Variants in AFDN observed in about 807,000 individuals in gnomAD.
AFDN encodes the protein afadin.
A neutral mutation model predicts 216.6 loss-of-function variants in AFDN; 68 were observed. The observed-to-expected ratio is 0.31, with a 90% confidence interval of 0.26 to 0.38. The LOEUF is 0.38. Among genes scored for constraint, AFDN ranks in the 10% least tolerant of loss-of-function variants. AFDN has a pLI of 1.00. For missense variants in AFDN, 2,136 were observed against 2,342.0 expected, an observed-to-expected ratio of 0.91 and a Z score of 1.82; for synonymous variants, 868 against 853.7, an observed-to-expected ratio of 1.02 and a Z score of -0.29.
At chr6:167,833,710 CCCT>C (rs527802213) in intron 1 of AFDN, among the ~76,000 whole-genome samples, 69 of 152,188 alleles carry the variant, frequency 4.5e-4, no homozygotes, top group Non-Finnish European at 2.8e-4. Flanking sequence ...TTGCCAGTTT[CCCT>C]CCTCCTCTTT....
chr6:167,893,113 C>A (rs1372591294), intron 8 of AFDN, among the ~76,000 whole-genome samples: 1 of 152,142 alleles, frequency 6.6e-6, no homozygotes, highest in African/African-American at 2.4e-5. Context: ...TTAACTTGTT[C>A]CACAAATGTC....
chr6:167,969,008 A>G, intron 32 of AFDN, 106 bp from the exon 33 acceptor site: 2 of 854,688 alleles, frequency 2.3e-6, no homozygotes, highest in Non-Finnish European at 3.9e-6. Context: ...CTTCCTACTT[A>G]CTCAGTAAAG....
At chr6:167,952,362 G>T (rs931067048) in intron 30 of AFDN, 175 bp downstream of exon 30, 1 of 1,482,502 alleles carries the variant, frequency 6.7e-7, no homozygotes, top group Admixed American at 2.4e-5. Context: ...AATGAGTCAG[G>T]CCTATAAGGC....
intron 1 of AFDN, among the ~76,000 whole-genome samples, chr6:167,860,239 A>G (rs1172324026): frequency 7.2e-6 from 1 of 139,804 alleles, no homozygotes; most frequent in Non-Finnish European, 1.5e-5. Context: ...AACATATTAG[A>G]CTATTAATTC....
chr6:167,942,652 G>A (rs1794832993), intron 23 of AFDN, among the ~76,000 whole-genome samples: 1 of 152,152 alleles, frequency 6.6e-6, no homozygotes, highest in South Asian at 2.1e-4. Context: ...CAGTACATGA[G>A]TTATAATACT....
chr6:167,892,704 C>G (rs922189756), intron 8 of AFDN, among the ~76,000 whole-genome samples: 1 of 152,086 alleles, frequency 6.6e-6, no homozygotes, highest in African/African-American at 2.4e-5. Context: ...AGGTAGAGCA[C>G]CAAAACAGAT....
chr6:167,876,941 T>C (rs1439415285), intron 5 of AFDN, among the ~76,000 whole-genome samples: 1 of 152,170 alleles, frequency 6.6e-6, no homozygotes, highest in African/African-American at 2.4e-5. Context: ...AAGGCTTTCA[T>C]TGTAGCCTAA....
intron 31 of AFDN, chr6:167,964,578 C>A: frequency 9.4e-7 from 1 of 1,060,440 alleles, no homozygotes; most frequent in Middle Eastern, 4.2e-4. Flanking sequence ...GAGTTTTCTC[C>A]CTCAAAAGGT....
At chr6:167,966,764 G>T (rs1245521013) in intron 32 of AFDN, among the ~76,000 whole-genome samples, 1 of 152,224 alleles carries the variant, frequency 6.6e-6, no homozygotes, top group Non-Finnish European at 1.5e-5. Flanking sequence ...TCTCATGGTG[G>T]TTTGGTTGGT....
intron 5 of AFDN, among the ~76,000 whole-genome samples, chr6:167,878,260 C>A (rs1243499075): frequency 6.6e-6 from 1 of 152,110 alleles, no homozygotes; most frequent in Non-Finnish European, 1.5e-5. Flanking sequence ...TCTTCATCTT[C>A]AAAACGGGGC....
intron 13 of AFDN, 150 bp from the exon 14 acceptor site, chr6:167,910,951 T>C: frequency 1.5e-6 from 1 of 676,268 alleles, no homozygotes; most frequent in Non-Finnish European, 2.5e-6. Flanking sequence ...TTGATTAGGC[T>C]ACATCTGAAA....
At chr6:167,930,023 G>T (rs1793080865) in intron 23 of AFDN, among the ~76,000 whole-genome samples, 1 of 152,080 alleles carries the variant, frequency 6.6e-6, no homozygotes, top group Non-Finnish European at 1.5e-5. Flanking sequence ...AGGCAACAAG[G>T]TGAGACCCCA....
At chr6:167,891,733 C>T (rs1358716744) in intron 8 of AFDN, among the ~76,000 whole-genome samples, 2 of 152,094 alleles carry the variant, frequency 1.3e-5, no homozygotes, top group Admixed American at 6.6e-5. Context: ...GTATGCTGTG[C>T]ATGGCTGTAC....
intron 1 of AFDN, among the ~76,000 whole-genome samples, chr6:167,853,268 C>CAACT (rs1439868696): frequency 1.3e-5 from 2 of 152,034 alleles, no homozygotes; most frequent in African/African-American, 4.8e-5. Context: ...TGTATAAACA[C>CAACT]AACTACCTGT....
chr6:167,937,086 C>T (rs1794099847), intron 23 of AFDN, among the ~76,000 whole-genome samples: 1 of 152,038 alleles, frequency 6.6e-6, no homozygotes, highest in Non-Finnish European at 1.5e-5. Flanking sequence ...GTGAACAGGG[C>T]CAGTGGGTCT....
chr6:167,913,288 C>T (rs992512296), intron 15 of AFDN, 115 bp from the exon 16 acceptor site: 9 of 976,416 alleles, frequency 9.2e-6, no homozygotes, highest in South Asian at 5.8e-5. Context: ...AACTAAATGT[C>T]GTACCTTCAT....
intron 23 of AFDN, among the ~76,000 whole-genome samples, chr6:167,929,646 C>T (rs969965295): frequency 2.6e-5 from 4 of 152,212 alleles, no homozygotes; most frequent in Non-Finnish European, 4.4e-5. Context: ...ATCCTTGTCT[C>T]ACTCTCCCAT....
At chr6:167,907,123 G>A (rs1249973074) in intron 12 of AFDN, 48 bp from the exon 13 acceptor site, 1 of 1,419,716 alleles carries the variant, frequency 7.0e-7, no homozygotes, top group African/African-American at 1.4e-5. Flanking sequence ...GTCAAGCTTG[G>A]TTGGTCTGTG....
At chr6:167,862,532 C>T (rs532397128) in intron 1 of AFDN, among the ~76,000 whole-genome samples, 17 of 152,266 alleles carry the variant, frequency 1.1e-4, no homozygotes, top group African/African-American at 2.4e-4. Context: ...CCTGCCACCA[C>T]GCCCAGCTAA....
Sources: gnomAD v4.1 joint callset for allele counts (sites outside exome capture counted in the v4.1 genomes callset) on GRCh38, gnomAD v4.1.1 for gene constraint, MANE v1.5 for transcripts, NCBI Gene and HGNC (gene_info 2026-07-23, HGNC 2026-07-21) for gene names.